Variants in GALNTL6 observed in about 807,000 individuals in gnomAD.
GALNTL6 encodes polypeptide N-acetylgalactosaminyltransferase-like 6.
GALNTL6 carries 46 observed loss-of-function variants against 73.7 expected under a neutral mutation model. The ratio of observed to expected loss-of-function variants is 0.62; its 90% CI spans 0.49 to 0.80. The LOEUF (loss-of-function observed/expected upper bound fraction) is 0.80. Ranked by LOEUF, GALNTL6 falls within the 30% of genes least tolerant of loss-of-function variation. The pLI is 0.00. For missense variants in GALNTL6, 604 were observed against 755.0 expected, an observed-to-expected ratio of 0.80 and a Z score of 2.34; for synonymous variants, 259 against 263.7, an observed-to-expected ratio of 0.98 and a Z score of 0.17.
chr4:172,689,539 G>A (rs185993487), intron 5 of GALNTL6, among the ~76,000 whole-genome samples: 29 of 152,234 alleles, frequency 1.9e-4, no homozygotes, highest in Admixed American at 1.4e-3. Context: ...ACATTTTCAA[G>A]AATTTCACAT....
At chr4:172,588,693 G>A (rs1418378636) in intron 5 of GALNTL6, among the ~76,000 whole-genome samples, 1 of 152,158 alleles carries the variant, frequency 6.6e-6, no homozygotes, top group African/African-American at 2.4e-5. Context: ...ATGGTAAGTG[G>A]TTCTAACCAC....
chr4:172,256,211 C>T (rs1270613524), intron 3 of GALNTL6, among the ~76,000 whole-genome samples: 1 of 151,348 alleles, frequency 6.6e-6, no homozygotes, highest in African/African-American at 2.4e-5. Flanking sequence ...TCTGTTTCGC[C>T]TGTAAATCCA....
intron 5 of GALNTL6, among the ~76,000 whole-genome samples, chr4:172,681,540 T>C (rs1732633179): frequency 6.6e-6 from 1 of 152,236 alleles, no homozygotes; most frequent in African/African-American, 2.4e-5. Flanking sequence ...GGTATAATAC[T>C]TTATAGCTCA....
At chr4:171,952,236 G>A (rs1040550217) in intron 2 of GALNTL6, among the ~76,000 whole-genome samples, 3 of 150,832 alleles carry the variant, frequency 2.0e-5, no homozygotes, top group Non-Finnish European at 4.4e-5. Flanking sequence ...GTATATCACT[G>A]ATTAAAACGG....
At chr4:171,919,036 A>C (rs370590883) in intron 2 of GALNTL6, among the ~76,000 whole-genome samples, 17 of 152,254 alleles carry the variant, frequency 1.1e-4, no homozygotes, top group Non-Finnish European at 2.2e-4. Flanking sequence ...AGTTGCAGTC[A>C]AGCAAGAGGA....
intron 5 of GALNTL6, among the ~76,000 whole-genome samples, chr4:172,382,585 C>T (rs751103305): frequency 6.6e-6 from 1 of 152,048 alleles, no homozygotes; most frequent in Non-Finnish European, 1.5e-5. Flanking sequence ...CTTTGATACA[C>T]TAATTTTAAA....
Position 172,897,508 on chromosome 4 carries a change from C to T in GALNTL6, c.1041+14601C>T, listed in dbSNP as rs186474304. Among the ~76,000 whole-genome samples, 251 of 152,290 alleles carry T rather than the reference C, an allele frequency of 1.6e-3. 1 individual carries two copies. The highest frequency in any genetic ancestry group is 3.4e-3 in the Middle Eastern group (1 of 294). On this transcript the variant is annotated intron_variant, in intron 8 of 12. Coordinates refer to ENST00000506823, the MANE Select transcript of GALNTL6 (RefSeq NM_001034845.3). ...ATGAGCCTTTCACCCAATAAGCTAA[C>T]GTGCGAGGGTCCTTCCAAACCCCTT...
chr4:172,085,200 C>T (rs181059254), intron 2 of GALNTL6, among the ~76,000 whole-genome samples: 21 of 152,054 alleles, frequency 1.4e-4, no homozygotes, highest in Admixed American at 1.2e-3. Flanking sequence ...ATTCAAAATA[C>T]CCATATTTTG....
Position 172,510,766 on chromosome 4 carries a change from A to T in GALNTL6, c.553+162077A>T, listed in dbSNP as rs1259611653. Among the ~76,000 whole-genome samples, 6 of 55,236 alleles carry T rather than the reference A, an allele frequency of 1.1e-4. 3 individuals are homozygous for T. Among genetic ancestry groups the T allele is most frequent in the African/African-American group, 2.7e-4 (6 of 22,118 alleles). The allele number at this position is 55,236 out of a possible 152,430, so 36.2% of individuals were successfully genotyped here. A position where few individuals can be genotyped will look rare whatever the true frequency, so the allele number is the denominator to read the frequency against. On this transcript the variant is annotated intron_variant, in intron 5 of 12. Transcript: ENST00000506823. ...TTATTTATTGCCTTGCATATGTTAA[A>T]CTATCTCTGCATCCCTAGGATGAAA...
intron 2 of GALNTL6, among the ~76,000 whole-genome samples, chr4:171,914,428 C>CTTT (rs33924519): frequency 9.6e-6 from 1 of 103,814 alleles, no homozygotes; most frequent in African/African-American, 4.0e-5. Flanking sequence ...GGAAAATGTA[C>CTTT]TTTTTTTTTT....
At chr4:172,675,506 C>T (rs564703029) in intron 5 of GALNTL6, among the ~76,000 whole-genome samples, 4 of 152,292 alleles carry the variant, frequency 2.6e-5, no homozygotes, top group South Asian at 2.1e-4. Context: ...GTGGTGTTGG[C>T]TCAGGGGCAG....
rs545193123 is a variant in GALNTL6 at position 172,590,654 on chromosome 4, C to T, written c.554-218707C>T. On this transcript the variant is annotated intron_variant, in intron 5 of 12. Transcript: ENST00000506823. ...GGATTCTGTAATGGGGGAATGTAGGCGGTTAAGTTTTCAGTCATACCAAAT... is the reference window on the plus strand; with the variant it reads ...GGATTCTGTAATGGGGGAATGTAGGTGGTTAAGTTTTCAGTCATACCAAAT... Among the ~76,000 whole-genome samples the T allele has an allele frequency of 2.6e-5, 4 of 152,148 alleles. No individual in the cohort carries two copies. In the East Asian group the frequency reaches 5.8e-4, roughly 22 times the overall value.
At chr4:172,637,321 A>G (rs1739745189) in intron 5 of GALNTL6, among the ~76,000 whole-genome samples, 1 of 152,206 alleles carries the variant, frequency 6.6e-6, no homozygotes, top group African/African-American at 2.4e-5. Context: ...GGCATTATTT[A>G]TCAAGCTAAC....
At chr4:171,980,955 G>GA (rs1426808435) in intron 2 of GALNTL6, among the ~76,000 whole-genome samples, 4 of 152,072 alleles carry the variant, frequency 2.6e-5, no homozygotes, top group African/African-American at 9.7e-5. Flanking sequence ...TAACTTTTTG[G>GA]AAAAATGATT....
intron 3 of GALNTL6, among the ~76,000 whole-genome samples, chr4:172,261,277 C>T (rs1422194915): frequency 6.6e-6 from 1 of 151,196 alleles, no homozygotes; most frequent in Non-Finnish European, 1.5e-5. Context: ...CAGTTCCAAC[C>T]TCACTACTTG....
chr4:172,531,662 C>G (rs952495383), intron 5 of GALNTL6, among the ~76,000 whole-genome samples: 1 of 152,176 alleles, frequency 6.6e-6, no homozygotes, highest in African/African-American at 2.4e-5. Flanking sequence ...CCAAGTCGAC[C>G]ACAAAATGCA....
chr4:171,865,740 T>C (rs1735953110), intron 2 of GALNTL6, among the ~76,000 whole-genome samples: 1 of 152,236 alleles, frequency 6.6e-6, no homozygotes, highest in Non-Finnish European at 1.5e-5. Context: ...TTTGATGAGT[T>C]ATTTGAGAAG....
At chr4:172,522,667 C>CCCG (rs1491070822) in intron 5 of GALNTL6, among the ~76,000 whole-genome samples, 1 of 17,774 alleles carries the variant, frequency 5.6e-5, no homozygotes, top group African/African-American at 1.8e-4. Context: ...AAACTCAGTC[C>CCCG]CCCCCCCCCC....
chr4:172,958,044 G>A (rs1236170699), intron 10 of GALNTL6, among the ~76,000 whole-genome samples: 1 of 152,206 alleles, frequency 6.6e-6, no homozygotes, highest in Non-Finnish European at 1.5e-5. Flanking sequence ...CCGGATTGAA[G>A]TCCGGGCCAG....
Sources: gnomAD v4.1 joint callset for allele counts (sites outside exome capture counted in the v4.1 genomes callset) on GRCh38, gnomAD v4.1.1 for gene constraint, MANE v1.5 for transcripts, NCBI Gene and HGNC (gene_info 2026-07-23, HGNC 2026-07-21) for gene names.